ROBO1: variants seen among roughly 807,000 people sequenced by gnomAD.
ROBO1 encodes roundabout guidance receptor 1.
Under a neutral mutation model 195.9 loss-of-function variants are expected in ROBO1, and 149 were observed. That is an observed-to-expected ratio of 0.76 (90% CI 0.67 to 0.87). The LOEUF (loss-of-function observed/expected upper bound fraction) is 0.87. Among genes scored for constraint, ROBO1 ranks in the 40% least tolerant of loss-of-function variants. The pLI is 0.00. For synonymous variants in ROBO1, 816 were observed against 733.2 expected (o/e 1.11, Z -1.82); for missense variants, 1,933 against 2,068.3 (o/e 0.93, Z 1.27).
intron 3 of ROBO1, among the ~76,000 whole-genome samples, chr3:78,997,351 T>G (rs564523423): frequency 1.3e-5 from 2 of 152,224 alleles, no homozygotes; most frequent in East Asian, 3.9e-4. Flanking sequence ...CATGAGAGAC[T>G]AGGAAAAACG....
chr3:79,305,848 T>C (rs1318390012), intron 2 of ROBO1, among the ~76,000 whole-genome samples: 1 of 152,138 alleles, frequency 6.6e-6, no homozygotes, highest in South Asian at 2.1e-4. Flanking sequence ...TATTGGAGTA[T>C]AAGAAACAGA....
chr3:79,190,965 A>G (rs372677936), intron 2 of ROBO1, among the ~76,000 whole-genome samples: 3 of 151,726 alleles, frequency 2.0e-5, no homozygotes, highest in South Asian at 4.1e-4. Flanking sequence ...TGATGCATTC[A>G]TTGAGATATT....
chr3:78,854,922 T>C (rs530489053), intron 4 of ROBO1, among the ~76,000 whole-genome samples: 4 of 152,102 alleles, frequency 2.6e-5, no homozygotes, highest in East Asian at 3.9e-4. Context: ...TGTACTTCGA[T>C]AGAATGATAT....
intron 4 of ROBO1, among the ~76,000 whole-genome samples, chr3:78,910,792 G>A (rs746085435): frequency 6.6e-6 from 1 of 151,920 alleles, no homozygotes; most frequent in Non-Finnish European, 1.5e-5. Flanking sequence ...TTTGAAAGGC[G>A]TAATGACATA....
intron 2 of ROBO1, among the ~76,000 whole-genome samples, chr3:79,313,969 T>A (rs989727663): frequency 3.9e-5 from 6 of 152,154 alleles, no homozygotes; most frequent in Admixed American, 3.3e-4. Flanking sequence ...ACTCAGCAGC[T>A]TAGGCATTAT....
intron 4 of ROBO1, among the ~76,000 whole-genome samples, chr3:78,929,106 T>A (rs1003793567): frequency 6.6e-6 from 1 of 152,172 alleles, no homozygotes; most frequent in South Asian, 2.1e-4. Flanking sequence ...AACTTGATCA[T>A]AAACTTTTAT....
intron 14 of ROBO1, among the ~76,000 whole-genome samples, chr3:78,667,493 G>C (rs1299637969): frequency 6.6e-6 from 1 of 151,564 alleles, no homozygotes; most frequent in Admixed American, 6.6e-5. Flanking sequence ...TCTAATACTA[G>C]ATCTTATTCA....
At chr3:78,609,259 G>A (rs1056947513) in intron 28 of ROBO1, among the ~76,000 whole-genome samples, 3 of 152,080 alleles carry the variant, frequency 2.0e-5, no homozygotes, top group South Asian at 2.1e-4. Flanking sequence ...AACAACCTCC[G>A]TACCTCCCCA....
intron 3 of ROBO1, among the ~76,000 whole-genome samples, chr3:78,950,551 T>C (rs1476904883): frequency 6.8e-6 from 1 of 147,170 alleles, no homozygotes; most frequent in Non-Finnish European, 1.5e-5. Context: ...TTAGGAGATA[T>C]ACCTATTGCT....
chr3:78,780,335 C>T (rs780309639), intron 4 of ROBO1, among the ~76,000 whole-genome samples: 26 of 152,064 alleles, frequency 1.7e-4, no homozygotes, highest in South Asian at 4.1e-4. Context: ...TACAATAAGA[C>T]GCAATTTCCA....
At chr3:79,489,775 T>C (rs929468130) in intron 2 of ROBO1, among the ~76,000 whole-genome samples, 1 of 152,188 alleles carries the variant, frequency 6.6e-6, no homozygotes, top group Non-Finnish European at 1.5e-5. Context: ...AGGTTACTTG[T>C]AGGCTGTCTT....
intron 29 of ROBO1, among the ~76,000 whole-genome samples, chr3:78,601,186 T>C (rs1460000062): frequency 3.3e-5 from 5 of 152,176 alleles, no homozygotes; most frequent in Admixed American, 2.0e-4. Context: ...TCCTCTACTA[T>C]TCACATTGCC....
At chr3:79,639,871 A>G (rs746929891) in intron 1 of ROBO1, among the ~76,000 whole-genome samples, 6 of 152,216 alleles carry the variant, frequency 3.9e-5, no homozygotes, top group Non-Finnish European at 7.4e-5. Flanking sequence ...TACCCTTTTT[A>G]TAGCATTGTC....
intron 2 of ROBO1, among the ~76,000 whole-genome samples, chr3:79,403,357 A>T (rs2106797681): frequency 6.6e-6 from 1 of 152,166 alleles, no homozygotes; most frequent in South Asian, 2.1e-4. Context: ...AAAGAAAAAA[A>T]GTGGCTACTT....
chr3:79,311,004 A>C (rs1221145345), intron 2 of ROBO1, among the ~76,000 whole-genome samples: 2 of 152,142 alleles, frequency 1.3e-5, no homozygotes, highest in Admixed American at 6.6e-5. Flanking sequence ...AAATATCAGT[A>C]TTGATTTTCT....
intron 2 of ROBO1, among the ~76,000 whole-genome samples, chr3:79,508,159 C>T (rs1343283033): frequency 3.3e-5 from 5 of 151,956 alleles, no homozygotes; most frequent in East Asian, 1.9e-4. Context: ...ATGTAAATGA[C>T]GAGTTGATGG....
chr3:79,175,169 C>T (rs2108712334), intron 2 of ROBO1, among the ~76,000 whole-genome samples: 1 of 152,162 alleles, frequency 6.6e-6, no homozygotes, highest in South Asian at 2.1e-4. Flanking sequence ...CTAGTAGAAA[C>T]CCCAATGGGC....
chr3:79,054,652 C>T (rs1399224626), intron 3 of ROBO1, among the ~76,000 whole-genome samples: 2 of 152,080 alleles, frequency 1.3e-5, no homozygotes, highest in African/African-American at 4.8e-5. Context: ...AAAAATTGCA[C>T]TTAAAAACTT....
chr3:78,618,048 G>A lies in ROBO1; in HGVS notation c.3876-7C>T. 6.3e-7 allele frequency: 1 copy of A among 1,599,608 alleles called. No individual in the cohort carries two copies. The highest frequency in any genetic ancestry group is 8.5e-7 in the Non-Finnish European group (1 of 1,172,734). ...AGGACTCACAGGCTGCCGTCTGTAT[G>A]AAGATGAATAAATAGGTCTGGCTCA... On this transcript the variant is annotated splice_region_variant and splice_polypyrimidine_tract_variant and intron_variant, in intron 26 of 30. Transcript: ENST00000464233.
Sources: gnomAD v4.1 joint callset for allele counts (sites outside exome capture counted in the v4.1 genomes callset) on GRCh38, gnomAD v4.1.1 for gene constraint, MANE v1.5 for transcripts, NCBI Gene and HGNC (gene_info 2026-07-23, HGNC 2026-07-21) for gene names.